WDR4: variants seen among roughly 807,000 people sequenced by gnomAD.
WDR4 encodes WDR4 tRNA N7-guanosine methyltransferase non-catalytic subunit.
WDR4 carries 47 observed loss-of-function variants against 48.6 expected under a neutral mutation model. That is an observed-to-expected ratio of 0.97 (90% CI 0.77 to 1.23). WDR4 has a LOEUF of 1.23. Among genes scored for constraint, WDR4 ranks in the 50% most tolerant of loss-of-function variants. The probability of loss-of-function intolerance (pLI) is 0.00; values close to 1 mark genes in which losing one functional copy is unlikely to be tolerated. For synonymous variants in WDR4, 268 were observed against 230.0 expected, an observed-to-expected ratio of 1.17 and a Z score of -1.49; for missense variants, 606 against 551.6, an observed-to-expected ratio of 1.10 and a Z score of -0.99.
intron 8 of WDR4, 48 bp from the exon 9 acceptor site, chr21:42,853,800 G>GCCC: frequency 1.3e-6 from 2 of 1,517,272 alleles, no homozygotes; most frequent in Non-Finnish European, 8.8e-7. Context: ...CAGGCCCACG[G>GCCC]GCTCCGCTCT....
At chr21:42,843,826 T>C (rs1349243487) in intron 11 of WDR4, among the ~76,000 whole-genome samples, 1 of 152,154 alleles carries the variant, frequency 6.6e-6, no homozygotes, top group East Asian at 1.9e-4. Context: ...CCCAAAATGC[T>C]GGGATTACAG....
intron 3 of WDR4, among the ~76,000 whole-genome samples, chr21:42,867,018 T>A (rs933250940): frequency 6.6e-6 from 1 of 152,062 alleles, no homozygotes. Context: ...CTGGACTGCA[T>A]CAAATCACAT....
At chr21:42,859,094 C>T (rs978795427) in intron 6 of WDR4, among the ~76,000 whole-genome samples, 13 of 152,084 alleles carry the variant, frequency 8.5e-5, no homozygotes, top group African/African-American at 3.1e-4. Flanking sequence ...TGCTGGGACA[C>T]AGAAGCTGTA....
At position 42,875,916 on chromosome 21, in the gene WDR4, C is replaced by CTTTTTTTTTTT. The variant is rs71194083; in HGVS notation, c.155+775_155+785dup. ...TATTTAGAAAAGTCCTAACACTGTG[C>CTTTTTTTTTTT]TTTTTTTTTTTTTTTTTTTGAGACG... is the stretch of plus-strand genomic sequence containing the variant. On this transcript the variant is annotated intron_variant, in intron 2 of 10. Transcript: ENST00000398208. Among the ~76,000 whole-genome samples, 31 of 104,896 alleles carry CTTTTTTTTTTT rather than the reference C, an allele frequency of 3.0e-4. 2 individuals carry two copies. Among genetic ancestry groups the CTTTTTTTTTTT allele is most frequent in the African/African-American group, 4.9e-4 (12 of 24,688 alleles). The allele number at this position is 104,896 out of a possible 152,430, so 68.8% of individuals were successfully genotyped here.
chr21:42,850,982 C>T (rs561444525), intron 10 of WDR4, among the ~76,000 whole-genome samples: 1 of 152,284 alleles, frequency 6.6e-6, no homozygotes, highest in African/African-American at 2.4e-5. Context: ...GCGCAGCCTC[C>T]CCGCCCCTCC....
At chr21:42,858,715 G>A (rs1281724924) in intron 6 of WDR4, among the ~76,000 whole-genome samples, 1 of 152,260 alleles carries the variant, frequency 6.6e-6, no homozygotes, top group Non-Finnish European at 1.5e-5. Context: ...GCCTGACCCT[G>A]ACCCTGACCC....
downstream of WDR4, among the ~76,000 whole-genome samples, chr21:42,845,436 G>A (rs151033528): frequency 2.3e-3 from 348 of 152,362 alleles, 2 homozygotes; most frequent in Middle Eastern, 0.01. Context: ...GCTGGCTGCT[G>A]GCAGGAGGCC....
downstream of WDR4, among the ~76,000 whole-genome samples, chr21:42,846,536 C>T (rs781068130): frequency 7.2e-5 from 11 of 152,182 alleles, no homozygotes; most frequent in Admixed American, 2.6e-4. Flanking sequence ...ATGTACAGTA[C>T]GCACACTGTA....
upstream of WDR4, chr21:42,879,738 C>T (rs1449244699): frequency 5.9e-6 from 3 of 511,382 alleles, no homozygotes; most frequent in Admixed American, 6.7e-5. Context: ...TGATGGAGTG[C>T]ACTTCGCACG....
rs978131951 is a variant in WDR4, at chr21:42,860,153, G to A, written c.567-431C>T. 3.3e-5 allele frequency among the ~76,000 whole-genome samples: 5 copies of A among 152,278 alleles called. No individual in the cohort carries two copies. The South Asian group carries it at 8.3e-4, about 25-fold the overall frequency. ...TTGGGGGAGACTCAAAGACACGGGGGAGACTCAAAGACACAGCACACAGGG... is the reference window on the plus strand; with the variant it reads ...TTGGGGGAGACTCAAAGACACGGGGAAGACTCAAAGACACAGCACACAGGG... On this transcript the variant is annotated intron_variant, in intron 5 of 10. Transcript: ENST00000398208.
chr21:42,843,802 T>A (rs1285713779), intron 11 of WDR4, among the ~76,000 whole-genome samples: 1 of 152,116 alleles, frequency 6.6e-6, no homozygotes, highest in Non-Finnish European at 1.5e-5. Flanking sequence ...CCTAACCTTG[T>A]GATCCACTGT....
chr21:42,882,127 T>C (rs1270623110), upstream of WDR4, among the ~76,000 whole-genome samples: 2 of 151,712 alleles, frequency 1.3e-5, no homozygotes, highest in East Asian at 2.0e-4. Flanking sequence ...ACTCCTGACC[T>C]CAGGTGATCT....
chr21:42,859,262 A>G (rs115404644), intron 6 of WDR4, among the ~76,000 whole-genome samples: 154 of 152,176 alleles, frequency 1.0e-3, no homozygotes, highest in African/African-American at 3.5e-3. Flanking sequence ...AAAAGAAAGA[A>G]AGAAAAAAAG....
Position 42,862,858 on chromosome 21 carries a change from T to C in WDR4, c.454-464A>G, listed in dbSNP as rs2058151313. ...ACTCGCCATTGTTCCTGACTGTCCC[T>C]GTGTGCGTCCAATCCCAGCTCCACC... On this transcript the variant is annotated intron_variant, in intron 4 of 10. Transcript: ENST00000398208. This position sits in a 1 kb window ranked among gnomAD's most constrained non-coding sequence, Gnocchi z 4.3. Among the ~76,000 whole-genome samples the C allele has an allele frequency of 6.6e-6, 1 of 152,200 alleles. No homozygotes were observed. The highest frequency in any genetic ancestry group is 2.1e-4 in the South Asian group (1 of 4,838).
At chr21:42,874,803 C>T (rs1011077508) in intron 2 of WDR4, among the ~76,000 whole-genome samples, 1 of 152,128 alleles carries the variant, frequency 6.6e-6, no homozygotes, top group African/African-American at 2.4e-5. Context: ...GTGCCCGAAA[C>T]TTATTAGCAA....
intron 1 of WDR4, among the ~76,000 whole-genome samples, chr21:42,878,356 C>CACT (rs2058548877): frequency 6.6e-6 from 1 of 152,168 alleles, no homozygotes; most frequent in Non-Finnish European, 1.5e-5. Context: ...CTCCACCAGC[C>CACT]ACTAGAATTT....
chr21:42,876,058 T>C (rs2058483810), intron 2 of WDR4, among the ~76,000 whole-genome samples: 1 of 151,288 alleles, frequency 6.6e-6, no homozygotes, highest in East Asian at 1.9e-4. Flanking sequence ...TAGCTGGGAC[T>C]ACAGGCGCCC....
intron 1 of WDR4, among the ~76,000 whole-genome samples, chr21:42,878,807 C>G (rs73905780): frequency 0.054 from 8,216 of 152,268 alleles, 256 homozygotes; most frequent in South Asian, 0.089. Flanking sequence ...TAGGGAGGTG[C>G]GCACTGCGAG....
intron 2 of WDR4, 64 bp downstream of exon 2, chr21:42,876,638 A>T: frequency 6.7e-7 from 1 of 1,492,260 alleles, no homozygotes; most frequent in Non-Finnish European, 9.2e-7. Flanking sequence ...ATTGCTTCTT[A>T]GACCCTCTGG....
Sources: allele counts gnomAD v4.1 joint callset (sites outside exome capture counted in the v4.1 genomes callset), GRCh38; gene constraint gnomAD v4.1.1; non-coding constraint Gnocchi (gnomAD v3.1); transcripts MANE v1.5; gene names NCBI Gene and HGNC (gene_info 2026-07-23, HGNC 2026-07-21).